CCDC30: variants seen among roughly 807,000 people sequenced by gnomAD.
CCDC30 encodes coiled-coil domain containing 30, also known as coiled-coil domain-containing protein 30.
In CCDC30, 70 loss-of-function variants were observed where a neutral mutation model predicts 100.2. The observed-to-expected ratio is 0.70, with a 90% CI of 0.58 to 0.85. CCDC30 has a LOEUF of 0.85. Ranked by LOEUF, CCDC30 falls within the 40% of genes least tolerant of loss-of-function variation. The pLI is 0.00. For missense variants in CCDC30, 652 were observed against 771.2 expected, an observed-to-expected ratio of 0.85 and a Z score of 1.83; for synonymous variants, 233 against 269.5, an observed-to-expected ratio of 0.86 and a Z score of 1.33.
intron 6 of CCDC30, among the ~76,000 whole-genome samples, chr1:42,563,821 G>T (rs1182047808): frequency 6.6e-6 from 1 of 151,622 alleles, no homozygotes; most frequent in East Asian, 1.9e-4. Context: ...AGGTTGTGGT[G>T]AGCTGAGATC....
At chr1:42,633,731 G>A (rs1647086874) in intron 11 of CCDC30, among the ~76,000 whole-genome samples, 1 of 152,246 alleles carries the variant, frequency 6.6e-6, no homozygotes, top group East Asian at 1.9e-4. Flanking sequence ...GCAACATAGC[G>A]AGACCTTGCG....
chr1:42,541,720 A>G (rs1172415915), intron 6 of CCDC30, among the ~76,000 whole-genome samples: 2 of 152,220 alleles, frequency 1.3e-5, no homozygotes, highest in Admixed American at 1.3e-4. Flanking sequence ...TTACTCATTA[A>G]AAGTTTCTGT....
At chr1:42,497,141 G>T (rs79495248) in exon 5 of CCDC30, 5 of 1,234,260 alleles carry the variant, frequency 4.1e-6, no homozygotes, top group Non-Finnish European at 5.1e-6. Flanking sequence ...ATCAGAGACT[G>T]GATGAGGAAA....
intron 10 of CCDC30, among the ~76,000 whole-genome samples, chr1:42,605,724 T>G (rs370851752): frequency 6.6e-6 from 1 of 152,128 alleles, no homozygotes; most frequent in East Asian, 1.9e-4. Context: ...TGGGCTCAAG[T>G]GATCCACCTG....
intron 10 of CCDC30, 69 bp from the exon 15 acceptor site, chr1:42,610,909 G>A: frequency 7.5e-6 from 5 of 664,804 alleles, no homozygotes; most frequent in East Asian, 2.9e-5. Context: ...TTACCAGAAA[G>A]ACTTTGCATT....
intron 11 of CCDC30, 111 bp downstream of exon 15, chr1:42,611,201 G>C: frequency 3.5e-6 from 2 of 568,506 alleles, no homozygotes; most frequent in Non-Finnish European, 6.1e-6. Context: ...CCTTTCAAGA[G>C]GGCCATCATA....
Position 42,539,315 on chromosome 1 carries a change from G to A in CCDC30, c.457-26981G>A. The stretch of plus-strand genomic sequence containing the variant: ...AATTCTGAATTAGAAACAAAGGTGA[G>A]ACTGAGTTAGGTATTTAAATGTTCA... On this transcript the variant is annotated intron_variant, in intron 6 of 16. Coordinates refer to ENST00000668663, the Ensembl canonical transcript of CCDC30. 6.3e-7 allele frequency: 1 copy of A among 1,595,254 alleles called. No individual in the cohort carries two copies. The highest frequency in any genetic ancestry group is 8.5e-7 in the Non-Finnish European group (1 of 1,172,938).
At chr1:42,478,606 A>G (rs1179648271) in intron 1 of CCDC30, among the ~76,000 whole-genome samples, 3 of 152,114 alleles carry the variant, frequency 2.0e-5, no homozygotes, top group Non-Finnish European at 4.4e-5. Flanking sequence ...AAAAAATACA[A>G]AAATTAGCCA....
chr1:42,613,934 A>G (rs1481401034), intron 11 of CCDC30, among the ~76,000 whole-genome samples: 2 of 152,124 alleles, frequency 1.3e-5, no homozygotes, highest in Non-Finnish European at 2.9e-5. Context: ...CTTATTCAAC[A>G]TGGAGTTGCT....
intron 2 of CCDC30, among the ~76,000 whole-genome samples, chr1:42,481,664 C>T (rs1643960168): frequency 6.7e-6 from 1 of 148,750 alleles, no homozygotes; most frequent in Non-Finnish European, 1.5e-5. Flanking sequence ...TTAAGGAGTT[C>T]TTTAGAATAT....
chr1:42,642,655 G>T, intron 13 of CCDC30, 46 bp downstream of exon 17: 1 of 1,430,720 alleles, frequency 7.0e-7, no homozygotes, highest in African/African-American at 1.4e-5. Context: ...ACAAGAGGAT[G>T]TTTCTCCCTC....
intron 10 of CCDC30, chr1:42,595,637 C>T (rs1386253921): frequency 6.6e-6 from 1 of 152,182 alleles, no homozygotes; most frequent in African/African-American, 2.4e-5. Flanking sequence ...AATTGTCATT[C>T]TATCCACGAT....
intron 6 of CCDC30, among the ~76,000 whole-genome samples, chr1:42,515,419 A>G (rs576628267): frequency 6.6e-6 from 1 of 152,288 alleles, no homozygotes; most frequent in African/African-American, 2.4e-5. Flanking sequence ...CAGTATTAAG[A>G]GATGTGGCCT....
intron 1 of CCDC30, among the ~76,000 whole-genome samples, chr1:42,470,292 A>T (rs891706257): frequency 2.0e-5 from 3 of 149,860 alleles, no homozygotes; most frequent in Admixed American, 2.0e-4. Context: ...TAGGATGGCT[A>T]TTTTTTTTTT....
chr1:42,470,583 A>G (rs1326209202), intron 1 of CCDC30, among the ~76,000 whole-genome samples: 1 of 152,248 alleles, frequency 6.6e-6, no homozygotes, highest in Non-Finnish European at 1.5e-5. Flanking sequence ...AGGTGAATGT[A>G]TAAATAAAAT....
chr1:42,626,046 A>G (rs1646927667), intron 11 of CCDC30, among the ~76,000 whole-genome samples: 1 of 152,144 alleles, frequency 6.6e-6, no homozygotes, highest in Admixed American at 6.5e-5. Flanking sequence ...TGTTGGGCAT[A>G]TATATGTATT....
chr1:42,616,687 A>G (rs1176491857), intron 11 of CCDC30, among the ~76,000 whole-genome samples: 1 of 152,220 alleles, frequency 6.6e-6, no homozygotes, highest in Non-Finnish European at 1.5e-5. Flanking sequence ...ATAGTTAACA[A>G]AGCCAAAAAT....
At chr1:42,598,028 G>A (rs1646327162) in intron 10 of CCDC30, among the ~76,000 whole-genome samples, 1 of 151,208 alleles carries the variant, frequency 6.6e-6, no homozygotes, top group South Asian at 2.1e-4. Flanking sequence ...TTAGCCAGGT[G>A]TGGTGGAGCA....
upstream of CCDC30, among the ~76,000 whole-genome samples, chr1:42,462,019 G>A (rs1321939282): frequency 6.6e-6 from 1 of 152,082 alleles, no homozygotes; most frequent in Non-Finnish European, 1.5e-5. Flanking sequence ...TGTACAATGG[G>A]GATATATGGG....
Sources: allele counts gnomAD v4.1 joint callset (sites outside exome capture counted in the v4.1 genomes callset), GRCh38; gene constraint gnomAD v4.1.1; transcripts MANE v1.5; gene names NCBI Gene and HGNC (gene_info 2026-07-23, HGNC 2026-07-21).